The following DNAJC17 variants were observed in gnomAD, a reference collection of about 807,000 sequenced individuals.
The protein encoded by DNAJC17 is DnaJ heat shock protein family (Hsp40) member C17, also known as dnaJ homolog subfamily C member 17.
Under a neutral mutation model 48.1 loss-of-function variants are expected in DNAJC17, and 35 were observed. That is an observed-to-expected ratio of 0.73 (90% CI 0.56 to 0.96). The LOEUF (loss-of-function observed/expected upper bound fraction) is 0.96. Ranked by LOEUF, DNAJC17 falls within the 50% of genes least tolerant of loss-of-function variation. The pLI is 0.00. For synonymous variants in DNAJC17, 117 were observed against 142.7 expected, an observed-to-expected ratio of 0.82 and a Z score of 1.28; for missense variants, 355 against 377.1, an observed-to-expected ratio of 0.94 and a Z score of 0.48.
intron 1 of DNAJC17, among the ~76,000 whole-genome samples, chr15:40,787,190 CA>C (rs1354980731): frequency 1.3e-5 from 2 of 152,156 alleles, no homozygotes; most frequent in Admixed American, 6.5e-5. Flanking sequence ...TAAATGAGAG[CA>C]TAAGGGTATA....
chr15:40,774,915 A>G, intron 8 of DNAJC17, 116 bp downstream of exon 8: 1 of 1,120,048 alleles, frequency 8.9e-7, no homozygotes, highest in South Asian at 1.3e-5. Context: ...ATGAGACAGA[A>G]AAAAAAAGCA....
chr15:40,807,213 T>G (rs1310087451), intron 1 of DNAJC17, 156 bp downstream of exon 1: 4 of 1,520,856 alleles, frequency 2.6e-6, no homozygotes, highest in Admixed American at 2.0e-5. Flanking sequence ...CCAGGAAATG[T>G]CTGGGAGCCC....
chr15:40,774,190 C>A lies in DNAJC17; in HGVS notation c.681+166G>T, dbSNP rs1172603535. The A allele has an allele frequency of 5.4e-6, 4 of 736,856 alleles. No homozygotes were observed. In the Admixed American group the frequency reaches 9.5e-5, roughly 17 times the overall value. The allele number at this position is 736,856 out of a possible 1,614,324, so 45.6% of individuals were successfully genotyped here. A position where few individuals can be genotyped will look rare whatever the true frequency, so the allele number is the denominator to read the frequency against. On this transcript the variant is annotated intron_variant, in intron 9 of 10. Transcript: ENST00000220496. ...CCCATCCATCCCTTCACACACGGTG[C>A]CTCTATTTCCAGGAGTCAGGGGCCC...
intron 1 of DNAJC17, among the ~76,000 whole-genome samples, chr15:40,794,363 A>G (rs2141960450): frequency 6.6e-6 from 1 of 151,310 alleles, no homozygotes; most frequent in East Asian, 2.0e-4. Context: ...AAAAAAAACA[A>G]AAACAAGAAC....
At position 40,775,051 on chromosome 15, in the gene DNAJC17, G is replaced by A; in HGVS notation, c.580C>T (p.Leu194Phe). ...ESKGGYSKDV[L>F]LRLLQKYGEV... ...CCGACCTTCTGCAAAAGCCGTAGGA[G>A]GACGTCTTTGGAGTAGCCACCTTTT... The change falls in exon 8 of 11, where the codon CTC (leucine) becomes TTC (phenylalanine). Residue 194 changes from leucine (L) to phenylalanine (F), a missense_variant. Physicochemically the swap from Leu to Phe is conservative, Grantham distance 22. Transcript: ENST00000220496. 1.2e-6 allele frequency: 2 copies of A among 1,614,166 alleles called. No individual in the cohort carries two copies. Among genetic ancestry groups the A allele is most frequent in the Non-Finnish European group, 1.7e-6 (2 of 1,180,040 alleles).
intron 7 of DNAJC17, chr15:40,775,344 C>A: frequency 1.4e-6 from 1 of 726,892 alleles, no homozygotes. Context: ...TCTAGAGAAT[C>A]CTCTGCCCTG....
intron 1 of DNAJC17, chr15:40,807,118 A>T (rs1890256131): frequency 1.9e-5 from 17 of 897,850 alleles, no homozygotes; most frequent in Non-Finnish European, 2.8e-5. Context: ...CGCGGCCTCT[A>T]GGAGACAGGG....
Position 40,770,088 on chromosome 15 carries a change from GCC to G in DNAJC17, c.793-2028_793-2027del. 2 of 198,078 alleles carry G rather than the reference GCC, an allele frequency of 1.0e-5. No homozygotes were observed. The highest frequency in any genetic ancestry group is 1.4e-4 in the East Asian group (1 of 7,214). The allele number at this position is 198,078 out of a possible 1,614,324, so 12.3% of individuals were successfully genotyped here. ...CAAACACCAGGGCGAGTGAGCTCGG[GCC>G]ATCTGCTGCCTGCCTGTGGAAGGAG... On this transcript the variant is annotated intron_variant, in intron 10 of 10. Transcript: ENST00000220496. The surrounding 1 kb of genome is among the most constrained non-coding windows in gnomAD (Gnocchi z 5.0).
In DNAJC17 at chr15:40,767,904, A is replaced by C; in HGVS notation, c.*36T>G. 6.3e-7 allele frequency: 1 copy of C among 1,591,038 alleles called. No individual in the cohort carries two copies. The highest frequency in any genetic ancestry group is 1.4e-5 in the African/African-American group (1 of 72,964). On this transcript the variant is annotated 3_prime_UTR_variant, in exon 11 of 11. Transcript: ENST00000220496. Reference sequence around the variant, plus strand: ...AAAAAAAATTTATTGGTGACGTTGAAGAAAAGGGCTGAGGGGTGGATGGCT... The same window carrying C: ...AAAAAAAATTTATTGGTGACGTTGACGAAAAGGGCTGAGGGGTGGATGGCT...
intron 1 of DNAJC17, among the ~76,000 whole-genome samples, chr15:40,796,872 A>G (rs1017094581): frequency 4.6e-5 from 7 of 152,146 alleles, no homozygotes; most frequent in African/African-American, 1.7e-4. Flanking sequence ...CTCCCTCCTC[A>G]GCCTCCCGAG....
At position 40,770,846 on chromosome 15, in the gene DNAJC17, G is replaced by T. The variant is rs368474634; in HGVS notation, c.793-2784C>A. 1 of 1,551,410 alleles carries T rather than the reference G, an allele frequency of 6.4e-7. No individual in the cohort carries two copies. Among genetic ancestry groups the T allele is most frequent in the East Asian group, 2.4e-5 (1 of 40,920 alleles). ...CCCTGCCATCGGCGCTCTCTCTGTC[G>T]AGTGCCCTCCACCAGCACTCAGAGA... On this transcript the variant is annotated intron_variant, in intron 10 of 10. Coordinates refer to ENST00000220496, the MANE Select transcript of DNAJC17 (RefSeq NM_018163.3). This position sits in a 1 kb window ranked among gnomAD's most constrained non-coding sequence, Gnocchi z 5.0.
chr15:40,796,595 A>AAAATTTAAG (rs1472935182), intron 1 of DNAJC17, among the ~76,000 whole-genome samples: 2 of 152,224 alleles, frequency 1.3e-5, no homozygotes, highest in Non-Finnish European at 2.9e-5. Flanking sequence ...AAGAAAACAG[A>AAAATTTAAG]AAATTTAAGT....
intron 5 of DNAJC17, 50 bp from the exon 6 acceptor site, chr15:40,776,342 G>A (rs774237003): frequency 6.3e-7 from 1 of 1,583,358 alleles, no homozygotes; most frequent in East Asian, 2.3e-5. Flanking sequence ...CCAATTCCAG[G>A]CTGGCTCACC....
intron 7 of DNAJC17, 96 bp from the exon 8 acceptor site, chr15:40,775,204 C>G (rs1745595677): frequency 1.5e-6 from 2 of 1,322,134 alleles, no homozygotes; most frequent in Admixed American, 3.6e-5. Flanking sequence ...CTCCCACCCT[C>G]CAAGCCTCCA....
chr15:40,776,519 G>A (rs1889327935), intron 5 of DNAJC17, 23 bp downstream of exon 5: 2 of 1,613,284 alleles, frequency 1.2e-6, no homozygotes, highest in African/African-American at 1.3e-5. Context: ...GTGGCCTTCT[G>A]GCCAGTGTGC....
chr15:40,803,463 G>A (rs1358616820), intron 1 of DNAJC17, among the ~76,000 whole-genome samples: 1 of 152,214 alleles, frequency 6.6e-6, no homozygotes, highest in Non-Finnish European at 1.5e-5. Context: ...GTGCTAGAAA[G>A]GAGAATGGCT....
At chr15:40,802,019 C>T (rs1890088677) in intron 1 of DNAJC17, among the ~76,000 whole-genome samples, 1 of 151,888 alleles carries the variant, frequency 6.6e-6, no homozygotes, top group African/African-American at 2.4e-5. Flanking sequence ...CTCATCAGGA[C>T]CCGGTGATGT....
At chr15:40,774,114 C>T in intron 9 of DNAJC17, 1 of 601,510 alleles carries the variant, frequency 1.7e-6, no homozygotes, top group Non-Finnish European at 2.9e-6. Flanking sequence ...TGTGAAGGCA[C>T]CAGCAGGGAG....
chr15:40,794,139 G>A (rs990006173), intron 1 of DNAJC17, among the ~76,000 whole-genome samples: 1 of 149,810 alleles, frequency 6.7e-6, no homozygotes, highest in African/African-American at 2.5e-5. Flanking sequence ...ATCACAAGGT[G>A]AGGAGTTTGA....
Sources: gnomAD v4.1 joint callset for allele counts (sites outside exome capture counted in the v4.1 genomes callset) on GRCh38, gnomAD v4.1.1 for gene constraint, Gnocchi (gnomAD v3.1) non-coding constraint, MANE v1.5 for transcripts, NCBI Gene and HGNC (gene_info 2026-07-23, HGNC 2026-07-21) for gene names.